The following LY86 variants were observed in gnomAD, a reference collection of about 807,000 sequenced individuals.
LY86 encodes lymphocyte antigen 86.
In LY86, 20 loss-of-function variants were observed where a neutral mutation model predicts 17.3. The observed-to-expected ratio is 1.15, with a 90% CI of 0.81 to 1.68. LY86 has a LOEUF of 1.68. Among genes scored for constraint, LY86 ranks in the 40% most tolerant of loss-of-function variants. LY86 has a pLI of 0.00. For synonymous variants in LY86, 74 were observed against 70.6 expected (o/e 1.05, Z -0.24); for missense variants, 200 against 191.9 (o/e 1.04, Z -0.25).
At chr6:6,640,747 A>T (rs954265080) in intron 3 of LY86, among the ~76,000 whole-genome samples, 9 of 152,024 alleles carry the variant, frequency 5.9e-5, no homozygotes, top group African/African-American at 2.2e-4. Context: ...AAAGAAAAAG[A>T]AAAGGAGGGT....
At chr6:6,590,186 C>G (rs546266961) in intron 1 of LY86, among the ~76,000 whole-genome samples, 1 of 151,202 alleles carries the variant, frequency 6.6e-6, no homozygotes, top group Non-Finnish European at 1.5e-5. Context: ...TACCGTAGTC[C>G]CCCCCCAGTC....
intron 3 of LY86, among the ~76,000 whole-genome samples, chr6:6,639,058 A>G (rs1762001767): frequency 6.6e-6 from 1 of 152,138 alleles, no homozygotes; most frequent in African/African-American, 2.4e-5. Context: ...TGGATTAAGA[A>G]AATGTGGCAC....
intron 1 of LY86, among the ~76,000 whole-genome samples, chr6:6,597,469 C>T (rs914315694): frequency 3.3e-5 from 5 of 152,182 alleles, no homozygotes; most frequent in Non-Finnish European, 2.9e-5. Flanking sequence ...GTGACCCATC[C>T]GCGACCTGTG....
At chr6:6,612,295 G>A (rs1206941219) in intron 1 of LY86, among the ~76,000 whole-genome samples, 3 of 152,304 alleles carry the variant, frequency 2.0e-5, no homozygotes, top group Admixed American at 2.0e-4. Flanking sequence ...TCGTGGGTTA[G>A]TGGCCTTGCT....
chr6:6,607,657 T>TG, intron 1 of LY86, among the ~76,000 whole-genome samples: 1 of 151,884 alleles, frequency 6.6e-6, no homozygotes, highest in Admixed American at 6.6e-5. Context: ...CCCAGCACTT[T>TG]GGGAGGCTGA....
intron 1 of LY86, among the ~76,000 whole-genome samples, chr6:6,590,138 A>AAAAAC: frequency 6.6e-6 from 1 of 150,948 alleles, no homozygotes; most frequent in South Asian, 2.1e-4. Flanking sequence ...AAAAAAAAAA[A>AAAAAC]AAAAGACCCT....
intron 1 of LY86, among the ~76,000 whole-genome samples, chr6:6,603,615 C>CAAAAAAAAAA (rs1221531073): frequency 1.8e-5 from 2 of 114,170 alleles, no homozygotes; most frequent in Non-Finnish European, 3.5e-5. Flanking sequence ...GAAAAAAAAA[C>CAAAAAAAAAA]AAACAAAAAA....
At chr6:6,613,634 A>G (rs1035834294) in intron 1 of LY86, among the ~76,000 whole-genome samples, 4 of 152,116 alleles carry the variant, frequency 2.6e-5, no homozygotes, top group Admixed American at 6.5e-5. Context: ...TTCCCCCTTC[A>G]TATCTCCCCG....
chr6:6,615,746 C>A (rs1761538229), intron 1 of LY86, among the ~76,000 whole-genome samples: 1 of 139,210 alleles, frequency 7.2e-6, no homozygotes, highest in Admixed American at 7.1e-5. Context: ...AAAAGCTGGG[C>A]ACAGGCACAG....
At chr6:6,637,161 C>G (rs142679499) in intron 3 of LY86, among the ~76,000 whole-genome samples, 1 of 151,978 alleles carries the variant, frequency 6.6e-6, no homozygotes, top group Admixed American at 6.5e-5. Context: ...TAGAGGCGCC[C>G]GCCATCACGC....
At chr6:6,637,672 C>G (rs972952498) in intron 3 of LY86, among the ~76,000 whole-genome samples, 3 of 152,168 alleles carry the variant, frequency 2.0e-5, no homozygotes, top group African/African-American at 7.2e-5. Context: ...AGAAACTAAA[C>G]ATCCCGAGAG....
chr6:6,603,403 G>A (rs1052732163), intron 1 of LY86, among the ~76,000 whole-genome samples: 25 of 151,414 alleles, frequency 1.7e-4, no homozygotes, highest in African/African-American at 5.3e-4. Flanking sequence ...AAACTGTATG[G>A]GCAGTCTTCT....
intron 3 of LY86, among the ~76,000 whole-genome samples, chr6:6,646,097 T>G (rs1242663453): frequency 6.6e-6 from 1 of 152,126 alleles, no homozygotes; most frequent in Non-Finnish European, 1.5e-5. Context: ...TAGCATAGAT[T>G]GCAATGCAAG....
intron 1 of LY86, among the ~76,000 whole-genome samples, chr6:6,597,858 G>A (rs887537270): frequency 1.3e-5 from 2 of 152,260 alleles, no homozygotes; most frequent in African/African-American, 4.8e-5. Context: ...CACAAGGTCT[G>A]CCTGGTTAGC....
chr6:6,611,414 G>A (rs886763793), intron 1 of LY86, among the ~76,000 whole-genome samples: 5 of 152,156 alleles, frequency 3.3e-5, no homozygotes, highest in African/African-American at 1.2e-4. Context: ...CTCTCTTAAG[G>A]CTTTTGTGAG....
chr6:6,644,552 A>C (rs923875089), intron 3 of LY86, among the ~76,000 whole-genome samples: 1 of 151,990 alleles, frequency 6.6e-6, no homozygotes, highest in East Asian at 1.9e-4. Flanking sequence ...TATCAAGTTG[A>C]TGTCACCCAA....
chr6:6,588,754 C>G lies in LY86; in HGVS notation c.20C>G (p.Thr7Ser). Reference sequence around the variant, plus strand: ...CCCACCATGAAGGGTTTCACAGCCACTCTCTTCCTCTGGACTCTGATTTTT... The same window carrying G: ...CCCACCATGAAGGGTTTCACAGCCAGTCTCTTCCTCTGGACTCTGATTTTT... MKGFTA[T>S]LFLWTLIFPS... Residue 7 changes from threonine to serine, a missense_variant, in exon 1 of 5, where the codon ACT becomes AGT. Thr to Ser is a moderately conservative substitution (Grantham distance 58). Transcript: ENST00000230568. 6.2e-7 allele frequency: 1 copy of G among 1,614,176 alleles called. No homozygotes were observed. The highest frequency in any genetic ancestry group is 1.7e-4 in the Middle Eastern group (1 of 6,058).
rs960842158 is a variant in LY86, at chr6:6,605,782, T to C, written c.136+16912T>C. On this transcript the variant is annotated intron_variant, in intron 1 of 4. Transcript: ENST00000230568. Reference sequence around the variant, plus strand: ...TTATTCTTTCTGATGCTGGGATGTGTTCAGTTTCTTCCTTTTGGTGGGGTT... The same window carrying C: ...TTATTCTTTCTGATGCTGGGATGTGCTCAGTTTCTTCCTTTTGGTGGGGTT... 1.5e-4 allele frequency among the ~76,000 whole-genome samples: 23 copies of C among 152,190 alleles called. 1 individual carries two copies. Among genetic ancestry groups the C allele is most frequent in the African/African-American group, 2.4e-4 (10 of 41,452 alleles).
intron 1 of LY86, among the ~76,000 whole-genome samples, chr6:6,605,946 A>G (rs1267546461): frequency 3.3e-5 from 5 of 152,108 alleles, no homozygotes; most frequent in Non-Finnish European, 7.3e-5. Context: ...ATGGGTTATA[A>G]CTCATAAAAG....
Sources: gnomAD v4.1 joint callset for allele counts (sites outside exome capture counted in the v4.1 genomes callset) on GRCh38, gnomAD v4.1.1 for gene constraint, MANE v1.5 for transcripts, NCBI Gene and HGNC (gene_info 2026-07-23, HGNC 2026-07-21) for gene names.